Variants in ADGRL3 observed in about 807,000 individuals in gnomAD.
The protein encoded by ADGRL3 is adhesion G protein-coupled receptor L3.
Under a neutral mutation model 153.5 loss-of-function variants are expected in ADGRL3, and 62 were observed. The ratio of observed to expected loss-of-function variants is 0.40; its 90% CI spans 0.33 to 0.50. The LOEUF (loss-of-function observed/expected upper bound fraction) is 0.50. Ranked by LOEUF, ADGRL3 falls within the 20% of genes least tolerant of loss-of-function variation. The pLI is 0.47. For missense variants in ADGRL3, 1,641 were observed against 1,859.4 expected (o/e 0.88, Z 2.16); for synonymous variants, 710 against 672.5 (o/e 1.06, Z -0.86).
chr4:61,815,251 A>G (rs1349888006), intron 9 of ADGRL3, among the ~76,000 whole-genome samples: 2 of 152,194 alleles, frequency 1.3e-5, no homozygotes, highest in African/African-American at 4.8e-5. Flanking sequence ...AACGAGGCAG[A>G]TTGTGATGGA....
At chr4:61,259,409 T>C (rs1578010819) in intron 1 of ADGRL3, among the ~76,000 whole-genome samples, 5 of 149,586 alleles carry the variant, frequency 3.3e-5, no homozygotes, top group Admixed American at 2.0e-4. Context: ...GGCGACAGAG[T>C]GAGACTCTGT....
chr4:61,396,562 C>T (rs920778910), intron 2 of ADGRL3, among the ~76,000 whole-genome samples: 2 of 151,864 alleles, frequency 1.3e-5, no homozygotes, highest in Non-Finnish European at 2.9e-5. Context: ...GGCATTATTT[C>T]ATTTTAAGGA....
chr4:61,500,509 C>A (rs528459448), intron 3 of ADGRL3, among the ~76,000 whole-genome samples: 1 of 152,230 alleles, frequency 6.6e-6, no homozygotes, highest in East Asian at 1.9e-4. Context: ...GAGAATACTG[C>A]ATAACTTGAA....
chr4:61,485,071 G>A (rs899166117), intron 2 of ADGRL3, among the ~76,000 whole-genome samples: 1 of 152,082 alleles, frequency 6.6e-6, no homozygotes, highest in East Asian at 1.9e-4. Flanking sequence ...CTCTCCCTTG[G>A]CAGTAATTGT....
intron 9 of ADGRL3, among the ~76,000 whole-genome samples, chr4:61,830,830 T>A (rs1176940568): frequency 6.6e-6 from 1 of 152,234 alleles, no homozygotes; most frequent in East Asian, 1.9e-4. Flanking sequence ...ATCGTGTCTG[T>A]GTCATAATAT....
intron 1 of ADGRL3, among the ~76,000 whole-genome samples, chr4:61,262,270 G>A (rs2092577389): frequency 1.3e-5 from 2 of 151,984 alleles, no homozygotes; most frequent in Non-Finnish European, 2.9e-5. Context: ...TTGTAGTAAA[G>A]GTCTTTGTGA....
intron 1 of ADGRL3, among the ~76,000 whole-genome samples, chr4:61,224,579 T>C: frequency 6.6e-6 from 1 of 152,170 alleles, no homozygotes; most frequent in East Asian, 1.9e-4. Flanking sequence ...TAGGGGATGG[T>C]GTTGTTTAAC....
intron 17 of ADGRL3, among the ~76,000 whole-genome samples, chr4:61,977,377 C>T (rs758275832): frequency 8.6e-5 from 13 of 152,044 alleles, no homozygotes; most frequent in Non-Finnish European, 1.5e-4. Flanking sequence ...GCAAATAGCC[C>T]TCTATTCAGG....
At chr4:61,620,815 A>G (rs747673216) in intron 5 of ADGRL3, among the ~76,000 whole-genome samples, 1 of 151,156 alleles carries the variant, frequency 6.6e-6, no homozygotes, top group Non-Finnish European at 1.5e-5. Context: ...TAATTTTTGT[A>G]TTTTTAGTAG....
chr4:61,846,169 CAG>C (rs2098114033), intron 9 of ADGRL3, among the ~76,000 whole-genome samples: 1 of 151,530 alleles, frequency 6.6e-6, no homozygotes, highest in African/African-American at 2.4e-5. Flanking sequence ...TTTTAAAAAT[CAG>C]GGGAGTATGG....
chr4:61,478,387 A>G (rs1370305831), intron 2 of ADGRL3, among the ~76,000 whole-genome samples: 2 of 152,052 alleles, frequency 1.3e-5, no homozygotes, highest in Non-Finnish European at 2.9e-5. Context: ...AGCAAAAGAG[A>G]AAGGGGAAAA....
At chr4:61,465,261 A>G (rs780131085) in intron 2 of ADGRL3, among the ~76,000 whole-genome samples, 3 of 152,204 alleles carry the variant, frequency 2.0e-5, no homozygotes, top group Non-Finnish European at 1.5e-5. Flanking sequence ...CAAACTTTAA[A>G]TACCATTTCA....
At chr4:61,604,461 A>C (rs1417664122) in intron 5 of ADGRL3, among the ~76,000 whole-genome samples, 1 of 152,234 alleles carries the variant, frequency 6.6e-6, no homozygotes, top group African/African-American at 2.4e-5. Flanking sequence ...GAATGAAACA[A>C]CGAATGAATC....
intron 11 of ADGRL3, among the ~76,000 whole-genome samples, chr4:61,897,423 T>C (rs2098638025): frequency 1.3e-5 from 2 of 152,320 alleles, no homozygotes; most frequent in Non-Finnish European, 2.9e-5. Flanking sequence ...AATATTTTAG[T>C]TGAGATTACC....
chr4:61,946,410 A>G (rs1032006410), intron 15 of ADGRL3, among the ~76,000 whole-genome samples: 3 of 151,940 alleles, frequency 2.0e-5, no homozygotes, highest in African/African-American at 2.4e-5. Flanking sequence ...AGATGCCATT[A>G]TTTTATTTTT....
At chr4:61,550,628 G>T (rs1335962408) in intron 4 of ADGRL3, among the ~76,000 whole-genome samples, 1 of 147,900 alleles carries the variant, frequency 6.8e-6, no homozygotes, top group Non-Finnish European at 1.5e-5. Flanking sequence ...GTCAAGCGAG[G>T]ATAGCAAAGG....
chr4:61,684,357 T>G (rs1272169842), intron 6 of ADGRL3, among the ~76,000 whole-genome samples: 2 of 152,090 alleles, frequency 1.3e-5, no homozygotes, highest in Non-Finnish European at 2.9e-5. Flanking sequence ...AGGCCAGGCC[T>G]CTGAAAAAGT....
At position 61,856,947 on chromosome 4, in the gene ADGRL3, CTTCTCTTTCTTTCT is replaced by C. The variant is rs1242603810; in HGVS notation, c.1481-35704_1481-35691del. Among the ~76,000 whole-genome samples, 10 of 77,954 alleles carry C rather than the reference CTTCTCTTTCTTTCT, an allele frequency of 1.3e-4. 1 individual carries two copies. The highest frequency in any genetic ancestry group is 4.7e-4 in the African/African-American group (10 of 21,380). The allele number at this position is 77,954 out of a possible 152,430, so 51.1% of individuals were successfully genotyped here. The stretch of plus-strand genomic sequence containing the variant: ...CCGCCCTCCCTCCTCCCTCTTTCTT[CTTCTCTTTCTTTCT>C]TTCTTTCTTTCTTTCTTTCTTTCTT... On this transcript the variant is annotated intron_variant, in intron 9 of 26. Transcript: ENST00000683033.
chr4:62,055,757 T>G (rs1195896981), intron 25 of ADGRL3, among the ~76,000 whole-genome samples: 4 of 151,724 alleles, frequency 2.6e-5, no homozygotes, highest in Admixed American at 2.6e-4. Context: ...TAATCATTGT[T>G]TGTACTTTCT....
Sources: allele counts gnomAD v4.1 joint callset (sites outside exome capture counted in the v4.1 genomes callset), GRCh38; gene constraint gnomAD v4.1.1; transcripts MANE v1.5; gene names NCBI Gene and HGNC (gene_info 2026-07-23, HGNC 2026-07-21).